CADM2: variants seen among roughly 807,000 people sequenced by gnomAD.
CADM2 encodes the protein immunoglobulin superfamily member 4D.
Under a neutral mutation model 49.8 loss-of-function variants are expected in CADM2, and 12 were observed. The observed-to-expected ratio is 0.24, with a 90% CI of 0.15 to 0.39. The LOEUF (loss-of-function observed/expected upper bound fraction) is 0.39, where lower values mean the gene tolerates loss of function less well. Among genes scored for constraint, CADM2 ranks in the 10% least tolerant of loss-of-function variants. CADM2 has a pLI of 1.00. For missense variants in CADM2, 378 were observed against 492.3 expected, an observed-to-expected ratio of 0.77 and a Z score of 2.20; for synonymous variants, 214 against 175.4, an observed-to-expected ratio of 1.22 and a Z score of -1.74.
chr3:85,843,967 T>C (rs1275731206), intron 3 of CADM2, among the ~76,000 whole-genome samples: 2 of 151,662 alleles, frequency 1.3e-5, no homozygotes, highest in African/African-American at 4.8e-5. Context: ...ACCCAGGGAG[T>C]GCAGACTGTT....
At chr3:84,965,330 T>A (rs2030894528) in intron 1 of CADM2, among the ~76,000 whole-genome samples, 1 of 152,158 alleles carries the variant, frequency 6.6e-6, no homozygotes, top group African/African-American at 2.4e-5. Context: ...TCAGGCCTAA[T>A]GTGCTCTGCA....
At chr3:85,336,957 TATATATATTAA>T (rs2045098609) in intron 1 of CADM2, among the ~76,000 whole-genome samples, 1 of 16,694 alleles carries the variant, frequency 6.0e-5, no homozygotes, top group Non-Finnish European at 7.2e-4. Flanking sequence ...ATATATTTAA[TATATATATTAA>T]ATATATATTT....
chr3:85,230,743 C>G (rs575868429), intron 1 of CADM2, among the ~76,000 whole-genome samples: 2 of 152,236 alleles, frequency 1.3e-5, no homozygotes, highest in East Asian at 3.9e-4. Flanking sequence ...GCATAATCTT[C>G]TTAAAATATC....
chr3:85,502,492 A>T (rs6781652), intron 1 of CADM2, among the ~76,000 whole-genome samples: 6,475 of 152,174 alleles, frequency 0.043, 457 homozygotes, highest in African/African-American at 0.15. Flanking sequence ...AAAAAAAAAG[A>T]AAAAGAAAAA....
At chr3:85,985,589 C>T (rs372407199) in intron 8 of CADM2, among the ~76,000 whole-genome samples, 1 of 151,964 alleles carries the variant, frequency 6.6e-6, no homozygotes, top group African/African-American at 2.4e-5. Context: ...AAATTATAGA[C>T]CCATAATTTT....
chr3:85,967,711 A>G (rs1725640962), intron 8 of CADM2, among the ~76,000 whole-genome samples: 1 of 151,574 alleles, frequency 6.6e-6, no homozygotes, highest in Admixed American at 6.6e-5. Context: ...ACGTGCATTT[A>G]CTATTAAATT....
intron 1 of CADM2, among the ~76,000 whole-genome samples, chr3:84,969,926 G>A (rs916413418): frequency 4.0e-5 from 6 of 151,624 alleles, no homozygotes; most frequent in Non-Finnish European, 7.4e-5. Context: ...TTGGTTAAAC[G>A]TGAAGCCACA....
intron 1 of CADM2, among the ~76,000 whole-genome samples, chr3:85,359,509 A>G (rs2032150664): frequency 6.6e-6 from 1 of 150,628 alleles, no homozygotes; most frequent in Admixed American, 6.6e-5. Flanking sequence ...CAGTGAAATA[A>G]ATTCAATCTA....
At chr3:85,537,515 TGC>T (rs1559894894) in intron 1 of CADM2, among the ~76,000 whole-genome samples, 4 of 150,516 alleles carry the variant, frequency 2.7e-5, no homozygotes, top group Admixed American at 6.7e-5. Context: ...TGTGTGTGTG[TGC>T]GTGTGCAAGA....
intron 1 of CADM2, among the ~76,000 whole-genome samples, chr3:85,224,267 C>G (rs947629120): frequency 3.3e-5 from 5 of 152,018 alleles, no homozygotes; most frequent in Admixed American, 6.6e-5. Flanking sequence ...CAACATCTGT[C>G]GTTTCCTGAC....
chr3:85,016,717 T>C (rs976679245), intron 1 of CADM2, among the ~76,000 whole-genome samples: 1 of 151,414 alleles, frequency 6.6e-6, no homozygotes, highest in Non-Finnish European at 1.5e-5. Context: ...CGCTTGAACC[T>C]GGGAGGCAGA....
At chr3:85,986,887 G>A (rs1180951867) in intron 8 of CADM2, among the ~76,000 whole-genome samples, 3 of 151,982 alleles carry the variant, frequency 2.0e-5, no homozygotes, top group Non-Finnish European at 4.4e-5. Context: ...TGGGGGTCCA[G>A]GATTTTTAGT....
intron 1 of CADM2, among the ~76,000 whole-genome samples, chr3:85,007,898 G>A (rs980219997): frequency 5.3e-5 from 8 of 152,152 alleles, no homozygotes. Context: ...GAAAACGAAA[G>A]TCTTGGAGGC....
At chr3:85,583,759 A>C (rs1239508024) in intron 1 of CADM2, among the ~76,000 whole-genome samples, 4 of 152,116 alleles carry the variant, frequency 2.6e-5, no homozygotes, top group African/African-American at 9.6e-5. Flanking sequence ...CATATATTAA[A>C]AATTACTTGA....
chr3:86,074,425 G>A lies in CADM2; in HGVS notation c.*7642G>A, dbSNP rs1703432043. The A allele has an allele frequency of 1.3e-5, 2 of 151,872 alleles. No individual in the cohort carries two copies. The highest frequency in any genetic ancestry group is 2.9e-5 in the Non-Finnish European group (2 of 67,884). 9.4% of individuals were successfully genotyped at this position (151,872 alleles called of 1,614,324 possible). On this transcript the variant is annotated 3_prime_UTR_variant, in exon 10 of 10. Transcript: ENST00000383699. ...CATTAAAATTTATCTGTAAATACAA[G>A]GCAAGATTTTGTATCTGGTTTATTT...
intron 1 of CADM2, among the ~76,000 whole-genome samples, chr3:85,619,626 ATAGT>A (rs964982625): frequency 3.3e-5 from 5 of 152,168 alleles, no homozygotes; most frequent in African/African-American, 7.2e-5. Context: ...TGTTATTTTA[ATAGT>A]TAGTACCAAA....
chr3:85,352,173 A>G (rs995810860), intron 1 of CADM2, among the ~76,000 whole-genome samples: 2 of 152,112 alleles, frequency 1.3e-5, no homozygotes, highest in African/African-American at 4.8e-5. Context: ...TTAAAGCACT[A>G]TAGTTCATCT....
intron 2 of CADM2, among the ~76,000 whole-genome samples, chr3:85,756,486 A>G (rs979979205): frequency 2.0e-5 from 3 of 152,142 alleles, no homozygotes; most frequent in Non-Finnish European, 4.4e-5. Flanking sequence ...ATTTTATTTG[A>G]CATTGTCAGT....
At chr3:85,655,335 A>AT (rs575809699) in intron 1 of CADM2, among the ~76,000 whole-genome samples, 118 of 151,968 alleles carry the variant, frequency 7.8e-4, no homozygotes, top group African/African-American at 2.7e-3. Context: ...TATTTTTCGT[A>AT]TTTTTAGTAG....
Sources: gnomAD v4.1 joint callset for allele counts (sites outside exome capture counted in the v4.1 genomes callset) on GRCh38, gnomAD v4.1.1 for gene constraint, MANE v1.5 for transcripts, NCBI Gene and HGNC (gene_info 2026-07-23, HGNC 2026-07-21) for gene names.